Variants in GHR observed in about 807,000 individuals in gnomAD.
GHR encodes the protein GH receptor.
A neutral mutation model predicts 67.1 loss-of-function variants in GHR; 35 were observed. The observed-to-expected ratio is 0.52, with a 90% CI of 0.40 to 0.69. GHR has a LOEUF of 0.69. Among genes scored for constraint, GHR ranks in the 30% least tolerant of loss-of-function variants. The pLI is 0.00. For missense variants in GHR, 792 were observed against 764.6 expected (o/e 1.04, Z -0.42); for synonymous variants, 272 against 269.1 (o/e 1.01, Z -0.10).
intron 1 of GHR, among the ~76,000 whole-genome samples, chr5:42,453,401 C>A (rs1744131832): frequency 6.6e-6 from 1 of 152,146 alleles, no homozygotes; most frequent in South Asian, 2.1e-4. Context: ...GTGGCTAAGG[C>A]AAGTGGGTAG....
At chr5:42,469,044 T>A (rs959380452) in intron 1 of GHR, among the ~76,000 whole-genome samples, 9 of 152,270 alleles carry the variant, frequency 5.9e-5, no homozygotes. Context: ...GAGTTATGTT[T>A]AATTATGACT....
intron 1 of GHR, among the ~76,000 whole-genome samples, chr5:42,543,459 C>G (rs1748604115): frequency 6.6e-6 from 1 of 152,090 alleles, no homozygotes; most frequent in South Asian, 2.1e-4. Flanking sequence ...CATGTGTGCT[C>G]ACACACACAT....
intron 3 of GHR, among the ~76,000 whole-genome samples, chr5:42,656,370 A>C (rs1180016534): frequency 1.3e-5 from 2 of 152,230 alleles, no homozygotes; most frequent in East Asian, 3.8e-4. Context: ...TTTTGAAGAC[A>C]GTAAACTGTA....
chr5:42,529,071 G>A (rs1480653478), intron 1 of GHR, among the ~76,000 whole-genome samples: 1 of 150,368 alleles, frequency 6.7e-6, no homozygotes, highest in Admixed American at 6.6e-5. Context: ...GTGTGCAGTG[G>A]TGCAATCTTG....
intron 3 of GHR, among the ~76,000 whole-genome samples, chr5:42,648,413 C>A (rs982842888): frequency 1.3e-5 from 2 of 152,028 alleles, no homozygotes; most frequent in African/African-American, 4.8e-5. Context: ...AGCATGTGAA[C>A]GCATGGATGT....
chr5:42,441,696 A>C (rs1359040309), intron 1 of GHR, among the ~76,000 whole-genome samples: 1 of 152,076 alleles, frequency 6.6e-6, no homozygotes, highest in Non-Finnish European at 1.5e-5. Context: ...TTTTTAGTAG[A>C]GACGGGGTTT....
intron 1 of GHR, among the ~76,000 whole-genome samples, chr5:42,565,250 C>A (rs545577702): frequency 6.6e-6 from 1 of 152,148 alleles, no homozygotes; most frequent in Non-Finnish European, 1.5e-5. Context: ...AACCTCTCTA[C>A]GACACACTGT....
chr5:42,695,154 G>A (rs1579627028), intron 5 of GHR, 65 bp downstream of exon 5: 2 of 1,092,460 alleles, frequency 1.8e-6, no homozygotes, highest in East Asian at 4.7e-5. Flanking sequence ...AAGCCTGCAA[G>A]GTCCAAGTAT....
rs745566908 is a variant in GHR, at chr5:42,718,673, G to C, written c.1166G>C (p.Cys389Ser). 8 of 1,614,188 alleles carry C rather than the reference G, an allele frequency of 5.0e-6. No individual in the cohort carries two copies. In the Admixed American group the frequency reaches 1.3e-4, roughly 27 times the overall value. Residue 389 changes from cysteine to serine, a missense_variant, in exon 10 of 10, where the codon TGT (cysteine) becomes TCT (serine). Transcript: ENST00000230882. ...VKDGDSGRTS[C>S]CEPDILETDF... is the part of the protein sequence containing the mutation. The stretch of plus-strand genomic sequence containing the variant: ...GATGGCGACTCTGGACGTACCAGCT[G>C]TTGTGAACCTGACATTCTGGAGACT...
chr5:42,718,841 A>T lies in GHR; in HGVS notation c.1334A>T (p.Gln445Leu). The T allele has an allele frequency of 6.2e-7, 1 of 1,614,156 alleles. No homozygotes were observed. The highest frequency in any genetic ancestry group is 1.1e-5 in the South Asian group (1 of 91,084). Residue 445 changes from glutamine to leucine, a missense_variant, in exon 10 of 10, where the codon CAG (glutamine) becomes CTG (leucine). Gln to Leu is a moderately radical substitution (Grantham distance 113). Coordinates refer to ENST00000230882, the MANE Select transcript of GHR (RefSeq NM_000163.5). ...CATGATGCTTGCCCTGCTACTCAGC[A>T]GCCCAGTGTTATCCAAGCAGAGAAA... is the stretch of plus-strand genomic sequence containing the variant. ...PYHDACPATQ[Q>L]PSVIQAEKNK...
chr5:42,693,046 T>TAC (rs373487738), intron 4 of GHR, among the ~76,000 whole-genome samples: 11 of 151,244 alleles, frequency 7.3e-5, no homozygotes, highest in East Asian at 3.9e-4. Flanking sequence ...CACACATACT[T>TAC]ACACACACAC....
intron 2 of GHR, among the ~76,000 whole-genome samples, chr5:42,621,252 G>A (rs1354872924): frequency 6.6e-6 from 1 of 152,086 alleles, no homozygotes; most frequent in Non-Finnish European, 1.5e-5. Flanking sequence ...GGCCAGCTGA[G>A]AGCCAGCATT....
intron 1 of GHR, among the ~76,000 whole-genome samples, chr5:42,519,388 T>C (rs1747378076): frequency 6.6e-6 from 1 of 152,216 alleles, no homozygotes; most frequent in Non-Finnish European, 1.5e-5. Context: ...TGTTTAGAAC[T>C]AGTAAAAGAA....
chr5:42,550,103 C>T (rs1338868459), intron 1 of GHR: 11 of 974,954 alleles, frequency 1.1e-5, no homozygotes, highest in East Asian at 1.1e-4. Context: ...TATGACAGCA[C>T]GTATGAGCCT....
chr5:42,571,700 C>A lies in GHR; in HGVS notation c.70+5756C>A, dbSNP rs151164927. 3.0e-3 allele frequency among the ~76,000 whole-genome samples: 450 copies of A among 152,318 alleles called. 3 individuals are homozygous for A. The highest frequency in any genetic ancestry group is 0.01 in the African/African-American group (427 of 41,576). The stretch of plus-strand genomic sequence containing the variant: ...ACCCTGAATGTTAGTTAAATTCACA[C>A]ATGCCAGTGATAGAGTATATTTCTG... On this transcript the variant is annotated intron_variant, in intron 2 of 9. Coordinates refer to ENST00000230882, the MANE Select transcript of GHR (RefSeq NM_000163.5).
At chr5:42,438,405 T>TC (rs1039826364) in intron 1 of GHR, among the ~76,000 whole-genome samples, 2 of 152,140 alleles carry the variant, frequency 1.3e-5, no homozygotes, top group South Asian at 2.1e-4. Context: ...GGAATTTAAT[T>TC]CCCCCCGTCC....
intron 1 of GHR, among the ~76,000 whole-genome samples, chr5:42,536,415 A>T (rs1031916901): frequency 6.6e-6 from 1 of 152,100 alleles, no homozygotes; most frequent in African/African-American, 2.4e-5. Context: ...GCATCTTTTG[A>T]GATGATCATG....
intron 6 of GHR, among the ~76,000 whole-genome samples, chr5:42,707,389 G>A (rs981334962): frequency 1.3e-5 from 2 of 151,880 alleles, no homozygotes; most frequent in African/African-American, 2.4e-5. Flanking sequence ...GACAGGTAAT[G>A]TGATGCCCCT....
intron 1 of GHR, among the ~76,000 whole-genome samples, chr5:42,477,147 C>T (rs979726097): frequency 3.3e-5 from 5 of 150,396 alleles, no homozygotes; most frequent in Non-Finnish European, 7.4e-5. Context: ...GTTTTTTTTC[C>T]TTGCGATACT....
Sources: allele counts gnomAD v4.1 joint callset (sites outside exome capture counted in the v4.1 genomes callset), GRCh38; gene constraint gnomAD v4.1.1; transcripts MANE v1.5; gene names NCBI Gene and HGNC (gene_info 2026-07-23, HGNC 2026-07-21).